Variants in HDAC1 observed in about 807,000 individuals in gnomAD.
The protein encoded by HDAC1 is histone deacetylase 1, also known as protein deacetylase HDAC1.
HDAC1 carries 18 observed loss-of-function variants against 65.5 expected under a neutral mutation model. The ratio of observed to expected loss-of-function variants is 0.27; its 90% confidence interval spans 0.19 to 0.41. The LOEUF is 0.41. Among genes scored for constraint, HDAC1 ranks in the 10% least tolerant of loss-of-function variants. The probability of loss-of-function intolerance (pLI) is 1.00; values close to 1 mark genes in which losing one functional copy is unlikely to be tolerated. For missense variants in HDAC1, 373 were observed against 625.2 expected (o/e 0.60, Z 4.30); for synonymous variants, 211 against 227.9 (o/e 0.93, Z 0.67).
rs1370040390 is a variant in HDAC1 at position 32,331,385 on chromosome 1, A to C, written c.980-89A>C. On this transcript the variant is annotated intron_variant, in intron 9 of 13. Coordinates refer to ENST00000373548, the MANE Select transcript of HDAC1 (RefSeq NM_004964.3). The surrounding 1 kb of genome is among the most constrained non-coding windows in gnomAD (Gnocchi z 4.2). ...CTGTTTGGATAAATAGGCCCAGAGA[A>C]ACCTACAAATGCTTTAGGGTGCTTA... 1 of 755,238 alleles carries C rather than the reference A, an allele frequency of 1.3e-6. No homozygotes were observed. Among genetic ancestry groups the C allele is most frequent in the Non-Finnish European group, 2.4e-6 (1 of 423,962 alleles). The allele number at this position is 755,238 out of a possible 1,614,324, so 46.8% of individuals were successfully genotyped here.
At chr1:32,316,879 G>A in intron 3 of HDAC1, 97 bp downstream of exon 3, 2 of 764,056 alleles carry the variant, frequency 2.6e-6, no homozygotes, top group Non-Finnish European at 4.7e-6. Flanking sequence ...CTCCCATTCA[G>A]TGGACACCTG....
chr1:32,310,240 A>T (rs1461963190), intron 2 of HDAC1, among the ~76,000 whole-genome samples: 1 of 152,050 alleles, frequency 6.6e-6, no homozygotes, highest in Non-Finnish European at 1.5e-5. Flanking sequence ...GAGTGATTTG[A>T]GTTTGGTGTT....
intron 2 of HDAC1, among the ~76,000 whole-genome samples, chr1:32,308,753 C>T (rs1031702571): frequency 6.6e-6 from 1 of 151,870 alleles, no homozygotes; most frequent in Non-Finnish European, 1.5e-5. Context: ...CTCCTGACCT[C>T]GTGATCTGCC....
chr1:32,326,864 T>G, intron 4 of HDAC1, 75 bp from the exon 5 acceptor site: 1 of 1,549,990 alleles, frequency 6.5e-7, no homozygotes, highest in South Asian at 1.2e-5. Flanking sequence ...AACCTTTCAC[T>G]AGGTTCCCTG....
Position 32,327,344 on chromosome 1 carries a change from C to T in HDAC1, c.495-192C>T, listed in dbSNP as rs72668523. On this transcript the variant is annotated intron_variant, in intron 5 of 13. Coordinates refer to ENST00000373548, the MANE Select transcript of HDAC1 (RefSeq NM_004964.3). The surrounding 1 kb of genome is among the most constrained non-coding windows in gnomAD (Gnocchi z 6.0). The stretch of plus-strand genomic sequence containing the variant: ...GACCCTGGCTGTAGAGTAGGAAGAT[C>T]GGACTTGGTCGGCTTGGTCAGGCCT... 2,913 of 626,266 alleles carry T rather than the reference C, an allele frequency of 4.7e-3. 16 individuals carry two copies. The highest frequency in any genetic ancestry group is 6.5e-3 in the Non-Finnish European group (2,300 of 356,098). 38.8% of individuals were successfully genotyped at this position (626,266 alleles called of 1,614,324 possible). A position where few individuals can be genotyped will look rare whatever the true frequency, so the allele number is the denominator to read the frequency against.
chr1:32,300,419 G>A (rs1640831481), intron 1 of HDAC1, among the ~76,000 whole-genome samples: 1 of 151,994 alleles, frequency 6.6e-6, no homozygotes, highest in Admixed American at 6.6e-5. Flanking sequence ...GCTGGATTTG[G>A]TGGCACGCAC....
In HDAC1 at chr1:32,330,918, G is replaced by T; in HGVS notation, c.979+10G>T. On this transcript the variant is annotated intron_variant, in intron 9 of 13. Transcript: ENST00000373548. The surrounding 1 kb of genome is among the most constrained non-coding windows in gnomAD (Gnocchi z 4.2). Reference sequence around the variant, plus strand: ...ACGGAGATCCCTAATGGTAATAGCTGCAGGGCCAGGTTCGGCTGGGCTGGG... The same window carrying T: ...ACGGAGATCCCTAATGGTAATAGCTTCAGGGCCAGGTTCGGCTGGGCTGGG... 6.2e-7 allele frequency: 1 copy of T among 1,613,962 alleles called. No individual in the cohort carries two copies. The highest frequency in any genetic ancestry group is 2.2e-5 in the East Asian group (1 of 44,882).
intron 2 of HDAC1, among the ~76,000 whole-genome samples, chr1:32,304,382 G>A (rs1042246787): frequency 4.6e-5 from 7 of 152,168 alleles, no homozygotes; most frequent in Non-Finnish European, 1.0e-4. Flanking sequence ...AAAGGCAGAA[G>A]ATATTTTTAG....
intron 13 of HDAC1, 61 bp downstream of exon 13, chr1:32,332,810 A>G: frequency 7.0e-7 from 1 of 1,436,172 alleles, no homozygotes; most frequent in Non-Finnish European, 9.6e-7. Context: ...CCTTTGTCCC[A>G]CCACTCTGAG....
chr1:32,302,069 G>A (rs1452677024), intron 1 of HDAC1, among the ~76,000 whole-genome samples: 1 of 152,146 alleles, frequency 6.6e-6, no homozygotes, highest in East Asian at 1.9e-4. Flanking sequence ...AAGGTAGAGG[G>A]ACCAATTAGA....
At chr1:32,316,813 A>C in intron 3 of HDAC1, 31 bp downstream of exon 3, 1 of 1,369,996 alleles carries the variant, frequency 7.3e-7, no homozygotes, top group Non-Finnish European at 1.0e-6. Flanking sequence ...CACACTCTGA[A>C]GCCGCCAGTT....
chr1:32,328,566 G>A (rs1401956757), intron 6 of HDAC1, among the ~76,000 whole-genome samples: 1 of 152,118 alleles, frequency 6.6e-6, no homozygotes, highest in Admixed American at 6.5e-5. Flanking sequence ...AGATTCACCC[G>A]CCTCAGCCTC....
rs755037968 is a variant in HDAC1 at position 32,324,516 on chromosome 1, G to A, written c.318G>A (p.Leu106=). The A allele has an allele frequency of 1.9e-6, 3 of 1,613,452 alleles. No homozygotes were observed. The highest frequency in any genetic ancestry group is 2.2e-5 in the South Asian group (2 of 91,070). The change falls in exon 4 of 14, where the codon CTG becomes CTA. Residue 106 remains leucine, a synonymous_variant. Coordinates refer to ENST00000373548, the MANE Select transcript of HDAC1 (RefSeq NM_004964.3). ...AGGACTGTCCAGTATTCGATGGCCTGTTTGAGTTCTGTCAGTTGTCTACTG... is the reference window on the plus strand; with the variant it reads ...AGGACTGTCCAGTATTCGATGGCCTATTTGAGTTCTGTCAGTTGTCTACTG... The part of the protein sequence containing the change: ...VGEDCPVFDG[L]FEFCQLSTGG...
At chr1:32,310,894 G>A (rs1328607504) in intron 2 of HDAC1, among the ~76,000 whole-genome samples, 1 of 150,962 alleles carries the variant, frequency 6.6e-6, no homozygotes, top group East Asian at 1.9e-4. Context: ...CAGGGAGAGG[G>A]AGGGAGAGAG....
rs1641286952 is a variant in HDAC1 at position 32,331,234 on chromosome 1, A to G, written c.980-240A>G. Among the ~76,000 whole-genome samples, 1 of 152,190 alleles carries G rather than the reference A, an allele frequency of 6.6e-6. No homozygotes were observed. Among genetic ancestry groups the G allele is most frequent in the Non-Finnish European group, 1.5e-5 (1 of 68,038 alleles). Reference sequence around the variant, plus strand: ...TAATGAGCATGGCCTCAAGTGTCCTAAACCAGGGACATGGGCCTTCTCCTA... The same window carrying G: ...TAATGAGCATGGCCTCAAGTGTCCTGAACCAGGGACATGGGCCTTCTCCTA... On this transcript the variant is annotated intron_variant, in intron 9 of 13. Transcript: ENST00000373548. The surrounding 1 kb of genome is among the most constrained non-coding windows in gnomAD (Gnocchi z 4.2).
Position 32,292,225 on chromosome 1 carries a change from ACCGTCCT to A in HDAC1, c.49+9_49+15del. 1 of 1,548,398 alleles carries A rather than the reference ACCGTCCT, an allele frequency of 6.5e-7. No individual in the cohort carries two copies. Among genetic ancestry groups the A allele is most frequent in the South Asian group, 1.2e-5 (1 of 83,962 alleles). ...GTCTGTTACTACTACGACGGTGAGC[ACCGTCCT>A]CGCGGCGGGGGCGGGGCCAGGCCGG... On this transcript the variant is annotated splice_region_variant and intron_variant, in intron 1 of 13. Transcript: ENST00000373548.
chr1:32,323,132 CT>C (rs1175223151), intron 3 of HDAC1, among the ~76,000 whole-genome samples: 3 of 152,072 alleles, frequency 2.0e-5, no homozygotes, highest in African/African-American at 7.2e-5. Flanking sequence ...GAAACCCCGT[CT>C]CTACTAAGAA....
Position 32,332,186 on chromosome 1 carries a change from A to G in HDAC1, c.1316A>G (p.Lys439Arg). ...CGCAAGAACTCTTCCAACTTCAAAAAAGCCAAGAGAGTCAAAACAGAGGAT... is the reference window on the plus strand; with the variant it reads ...CGCAAGAACTCTTCCAACTTCAAAAGAGCCAAGAGAGTCAAAACAGAGGAT... ...GGRKNSSNFK[K>R]AKRVKTEDEK... Residue 439 changes from lysine (K) to arginine (R), a missense_variant, in exon 12 of 14, where the codon AAA (lysine) becomes AGA (arginine). Coordinates refer to ENST00000373548, the MANE Select transcript of HDAC1 (RefSeq NM_004964.3). The G allele has an allele frequency of 6.2e-7, 1 of 1,613,778 alleles. No homozygotes were observed. Among genetic ancestry groups the G allele is most frequent in the South Asian group, 1.1e-5 (1 of 91,076 alleles).
chr1:32,296,848 A>G (rs976524641), intron 1 of HDAC1, among the ~76,000 whole-genome samples: 1 of 152,182 alleles, frequency 6.6e-6, no homozygotes, highest in Non-Finnish European at 1.5e-5. Context: ...GTAGTGATGG[A>G]GCTTCCTGAG....
Sources: gnomAD v4.1 joint callset for allele counts (sites outside exome capture counted in the v4.1 genomes callset) on GRCh38, gnomAD v4.1.1 for gene constraint, Gnocchi (gnomAD v3.1) non-coding constraint, MANE v1.5 for transcripts, NCBI Gene and HGNC (gene_info 2026-07-23, HGNC 2026-07-21) for gene names.